PUDP: variants seen among roughly 807,000 people sequenced by gnomAD.
PUDP encodes the protein pseudouridine 5'-phosphatase.
Under a neutral mutation model 9.4 loss-of-function variants are expected in PUDP, and 8 were observed. The ratio of observed to expected loss-of-function variants is 0.85; its 90% CI spans 0.50 to 1.53. The LOEUF (loss-of-function observed/expected upper bound fraction) is 1.53. PUDP is among the 40% of genes most tolerant of loss of function. The pLI is 0.00. For synonymous variants in PUDP, 99 were observed against 80.7 expected (o/e 1.23, Z -1.22); for missense variants, 188 against 189.7 (o/e 0.99, Z 0.05).
chrX:7,094,839 G>A (rs1193964895), intron 2 of PUDP, among the ~76,000 whole-genome samples: 5 of 111,879 alleles, frequency 4.5e-5, no homozygotes, highest in East Asian at 2.8e-4. Flanking sequence ...GACTGTCAGC[G>A]TACAATTTTC....
chrX:6,741,830 C>A (rs770075062), intron 3 of PUDP, among the ~76,000 whole-genome samples: 5,351 of 101,966 alleles, frequency 0.052, 172 homozygotes, highest in African/African-American at 0.092. Flanking sequence ...CTCTCTCTCT[C>A]TTTCTTTCTT....
intron 1 of PUDP, among the ~76,000 whole-genome samples, chrX:7,143,068 A>G (rs1480899739): frequency 2.7e-5 from 3 of 111,772 alleles, no homozygotes; most frequent in African/African-American, 9.8e-5. Flanking sequence ...TCTGGTCAAC[A>G]GTCAATATCA....
rs1327274539 is a variant in PUDP, at chrX:7,077,355, G to A, written c.375C>T (p.Ser125=). ...SGSASFDMKT[S]RHKEFFSLFS... ...ACAAGCTGAAGAACTCCTTGTGGCG[G>A]CTTGTCTTCATATCGAACGACGCGG... Residue 125 remains serine, a synonymous_variant, in exon 3 of 4, where the codon AGC becomes AGT. Transcript: ENST00000381077. 8.3e-7 allele frequency: 1 copy of A among 1,211,018 alleles called. No individual in the cohort carries two copies. Among genetic ancestry groups the A allele is most frequent in the East Asian group, 3.0e-5 (1 of 33,813 alleles).
chrX:7,048,145 T>C (rs993439683), downstream of PUDP, among the ~76,000 whole-genome samples: 1 of 112,044 alleles, frequency 8.9e-6, no homozygotes, highest in African/African-American at 3.2e-5. Context: ...TATGTTTCAT[T>C]TAAGTGAAAT....
chrX:6,937,018 A>G (rs368979704), intron 3 of PUDP, among the ~76,000 whole-genome samples: 3 of 103,491 alleles, frequency 2.9e-5, no homozygotes, highest in Admixed American at 1.1e-4. Flanking sequence ...CATGCTCATG[A>G]GTAGGAAGAA....
chrX:6,853,712 T>G, intron 3 of PUDP, among the ~76,000 whole-genome samples: 1 of 111,961 alleles, frequency 8.9e-6, no homozygotes, highest in East Asian at 2.8e-4. Flanking sequence ...TTCATATAAA[T>G]GAAATCATAC....
chrX:6,928,592 C>T (rs1000473635), intron 3 of PUDP, among the ~76,000 whole-genome samples: 1 of 111,783 alleles, frequency 8.9e-6, no homozygotes, highest in African/African-American at 3.3e-5. Context: ...ATCAAGTGGA[C>T]ACCTTCAAAA....
chrX:6,945,921 C>G (rs766676771), intron 3 of PUDP, among the ~76,000 whole-genome samples: 5 of 111,207 alleles, frequency 4.5e-5, no homozygotes, highest in Non-Finnish European at 7.5e-5. Flanking sequence ...CACGACGAGA[C>G]GGGGTGTCAG....
intron 1 of PUDP, among the ~76,000 whole-genome samples, chrX:6,978,811 A>C (rs1251349421): frequency 1.8e-5 from 2 of 112,070 alleles, no homozygotes; most frequent in Non-Finnish European, 3.8e-5. Context: ...TGTATTCTAC[A>C]ATCTTGCTTT....
intron 3 of PUDP, among the ~76,000 whole-genome samples, chrX:6,896,495 A>G (rs1927594312): frequency 8.9e-6 from 1 of 111,878 alleles, no homozygotes. Context: ...GGAAGTGCCT[A>G]TACATTGCAC....
intron 3 of PUDP, among the ~76,000 whole-genome samples, chrX:6,940,997 G>A (rs1432937251): frequency 8.9e-6 from 1 of 112,086 alleles, no homozygotes; most frequent in Non-Finnish European, 1.9e-5. Flanking sequence ...CCCAAGTGAA[G>A]CAAACAATAT....
chrX:7,078,563 G>A (rs1930986449), intron 2 of PUDP, among the ~76,000 whole-genome samples: 1 of 112,382 alleles, frequency 8.9e-6, no homozygotes, highest in South Asian at 3.6e-4. Flanking sequence ...AAAGTACTGG[G>A]ATTACAGGCA....
Position 6,759,455 on chromosome X carries a change from G to A in PUDP, c.*248-52989C>T, listed in dbSNP as rs182145805. 2.7e-5 allele frequency among the ~76,000 whole-genome samples: 3 copies of A among 111,579 alleles called. No individual in the cohort carries two copies. In the East Asian group the frequency reaches 8.5e-4, roughly 32 times the overall value. On this transcript the variant is annotated intron_variant and NMD_transcript_variant, in intron 3 of 3. Coordinates refer to the PUDP transcript ENST00000655425. ...AGCAGGGTTTTTCAACTTCAACTCT[G>A]GTGACATTTGGGACCATATAATCTT...
chrX:6,980,211 T>C (rs1357893582), intron 1 of PUDP, among the ~76,000 whole-genome samples: 2 of 99,435 alleles, frequency 2.0e-5, no homozygotes, highest in African/African-American at 3.7e-5. Context: ...CTCTTCTCTT[T>C]TCTTTTCTTT....
chrX:6,870,056 T>C (rs766478196), intron 3 of PUDP, among the ~76,000 whole-genome samples: 2 of 110,378 alleles, frequency 1.8e-5, no homozygotes, highest in South Asian at 7.8e-4. Context: ...GGTCTACCCA[T>C]ACAGTAGAAT....
intron 3 of PUDP, among the ~76,000 whole-genome samples, chrX:6,857,622 C>T (rs1602647832): frequency 9.0e-6 from 1 of 111,124 alleles, no homozygotes; most frequent in East Asian, 2.8e-4. Context: ...TTTGTAGAGA[C>T]AGGTTCTTGC....
intron 3 of PUDP, among the ~76,000 whole-genome samples, chrX:6,865,611 T>C (rs763097665): frequency 2.7e-5 from 3 of 112,149 alleles, no homozygotes; most frequent in Non-Finnish European, 5.6e-5. Context: ...GAACAAGTCA[T>C]TGAATTTTAA....
intron 1 of PUDP, chrX:7,147,847 C>A (rs1602856948): frequency 6.2e-6 from 1 of 162,229 alleles, no homozygotes; most frequent in Admixed American, 8.4e-5. Context: ...GCCACGCGCG[C>A]CCGCCAGCCC....
At chrX:6,747,478 A>G (rs957168386) in intron 3 of PUDP, among the ~76,000 whole-genome samples, 12 of 112,417 alleles carry the variant, frequency 1.1e-4, no homozygotes, top group African/African-American at 3.2e-4. Context: ...GAATTTTCCA[A>G]TTAGTGATGA....
Sources: gnomAD v4.1 joint callset for allele counts (sites outside exome capture counted in the v4.1 genomes callset) on GRCh38, gnomAD v4.1.1 for gene constraint, MANE v1.5 for transcripts, NCBI Gene and HGNC (gene_info 2026-07-23, HGNC 2026-07-21) for gene names.